Variants in ACTR2 observed in about 807,000 individuals in gnomAD.
ACTR2 encodes the protein actin related protein 2, also known as actin-related protein 2.
ACTR2 carries 5 observed loss-of-function variants against 50.2 expected under a neutral mutation model. That is an observed-to-expected ratio of 0.10 (90% confidence interval 0.05 to 0.21). The LOEUF is 0.21. Ranked by LOEUF, ACTR2 falls within the 10% of genes least tolerant of loss-of-function variation. The probability of loss-of-function intolerance (pLI) is 1.00; values close to 1 mark genes in which losing one functional copy is unlikely to be tolerated. For missense variants in ACTR2, 180 were observed against 480.6 expected (o/e 0.37, Z 5.85); for synonymous variants, 140 against 162.9 (o/e 0.86, Z 1.07).
rs1256904965 is a variant in ACTR2 at position 65,269,647 on chromosome 2, T to C, written c.*913T>C. Reference sequence around the variant, plus strand: ...TCTGGTGTTTTGTTAATGCTTCTGTTTATTCCAGAAGCATTAAGGTAACCC... The same window carrying C: ...TCTGGTGTTTTGTTAATGCTTCTGTCTATTCCAGAAGCATTAAGGTAACCC... On this transcript the variant is annotated 3_prime_UTR_variant, in exon 9 of 9. Coordinates refer to ENST00000260641, the MANE Select transcript of ACTR2 (RefSeq NM_005722.4). 6.6e-6 allele frequency: 1 copy of C among 152,192 alleles called. No homozygotes were observed. The highest frequency in any genetic ancestry group is 6.5e-5 in the Admixed American group (1 of 15,278). The allele number at this position is 152,192 out of a possible 1,614,324, so 9.4% of individuals were successfully genotyped here. A position where few individuals can be genotyped will look rare whatever the true frequency, so the allele number is the denominator to read the frequency against.
chr2:65,231,468 A>T (rs955054149), intron 1 of ACTR2, among the ~76,000 whole-genome samples: 1 of 152,174 alleles, frequency 6.6e-6, no homozygotes, highest in Non-Finnish European at 1.5e-5. Flanking sequence ...ATTCAGATGT[A>T]ATTTTGCAAA....
chr2:65,246,351 G>A (rs1175745136), intron 2 of ACTR2, 173 bp from the exon 3 acceptor site: 1 of 529,150 alleles, frequency 1.9e-6, no homozygotes, highest in Non-Finnish European at 3.3e-6. Flanking sequence ...ATGTAAAAAT[G>A]TATTATCCAT....
intron 1 of ACTR2, among the ~76,000 whole-genome samples, chr2:65,236,836 A>G (rs1671749820): frequency 6.6e-6 from 1 of 152,116 alleles, no homozygotes; most frequent in African/African-American, 2.4e-5. Context: ...AGTGGTGTGC[A>G]TAGTAGCCTT....
chr2:65,234,237 A>T (rs1000744440), intron 1 of ACTR2, among the ~76,000 whole-genome samples: 6 of 152,238 alleles, frequency 3.9e-5, no homozygotes, highest in Non-Finnish European at 5.9e-5. Context: ...TGTTATTATA[A>T]CTGTTAATGT....
intron 1 of ACTR2, among the ~76,000 whole-genome samples, chr2:65,231,706 A>C (rs533027701): frequency 1.3e-5 from 2 of 152,248 alleles, no homozygotes; most frequent in African/African-American, 4.8e-5. Context: ...GCTTTTTAAA[A>C]AGTTACGATT....
rs771091507 is a variant in ACTR2 at position 65,269,326 on chromosome 2, A to G, written c.*592A>G. ...TTTTGTTGCGGGGGGGAGGGTAACA[A>G]TGGGTGGTCTTCTGATTTTTATTTT... On this transcript the variant is annotated 3_prime_UTR_variant, in exon 9 of 9. Transcript: ENST00000260641. 2.0e-5 allele frequency: 3 copies of G among 152,038 alleles called. No homozygotes were observed. The highest frequency in any genetic ancestry group is 6.6e-5 in the Admixed American group (1 of 15,238). The allele number at this position is 152,038 out of a possible 1,614,324, so 9.4% of individuals were successfully genotyped here. A position where few individuals can be genotyped will look rare whatever the true frequency, so the allele number is the denominator to read the frequency against.
At chr2:65,258,373 C>A (rs552033590) in intron 6 of ACTR2, among the ~76,000 whole-genome samples, 32 of 152,018 alleles carry the variant, frequency 2.1e-4, no homozygotes, top group Admixed American at 6.6e-4. Flanking sequence ...GCCAGGAGTT[C>A]ATGGCCAGCC....
At chr2:65,255,762 TAAG>T (rs2104010067) in intron 6 of ACTR2, 68 bp downstream of exon 6, 2 of 1,411,086 alleles carry the variant, frequency 1.4e-6, no homozygotes, top group Non-Finnish European at 1.9e-6. Flanking sequence ...GGTGTCAGCT[TAAG>T]GAGGTTTTCT....
chr2:65,256,072 AAG>A (rs1246965729), intron 6 of ACTR2, among the ~76,000 whole-genome samples: 1 of 152,208 alleles, frequency 6.6e-6, no homozygotes, highest in Non-Finnish European at 1.5e-5. Flanking sequence ...GAGTTTGAGA[AAG>A]AGTTGATTTC....
chr2:65,261,191 A>G, intron 6 of ACTR2, 56 bp from the exon 7 acceptor site: 1 of 1,590,750 alleles, frequency 6.3e-7, no homozygotes, highest in Non-Finnish European at 8.6e-7. Context: ...GTTCCGGAGA[A>G]CACTGGGAAA....
chr2:65,263,814 TGAATCACGAGGCCGGC>T (rs964353104), intron 7 of ACTR2, among the ~76,000 whole-genome samples: 3 of 72,142 alleles, frequency 4.2e-5, no homozygotes, highest in Admixed American at 1.8e-4. Flanking sequence ...CTGAGGCCGG[TGAATCACGAGGCCGGC>T]GAATCACGAG....
At chr2:65,228,681 GTTAA>G (rs896754163) in intron 1 of ACTR2, among the ~76,000 whole-genome samples, 7 of 152,098 alleles carry the variant, frequency 4.6e-5, no homozygotes, top group Admixed American at 1.3e-4. Flanking sequence ...CTTAGGGGAA[GTTAA>G]TTAGTGTTGA....
At chr2:65,230,327 A>G (rs1006746532) in intron 1 of ACTR2, among the ~76,000 whole-genome samples, 1 of 152,054 alleles carries the variant, frequency 6.6e-6, no homozygotes, top group East Asian at 1.9e-4. Flanking sequence ...TAGGGGTTCA[A>G]GGTAATGAGC....
intron 1 of ACTR2, among the ~76,000 whole-genome samples, chr2:65,234,660 C>T (rs888724911): frequency 6.6e-6 from 1 of 152,164 alleles, no homozygotes; most frequent in African/African-American, 2.4e-5. Context: ...AGAGGGGAGA[C>T]GTGTCAACCT....
chr2:65,252,222 TTCC>T (rs980225625), intron 4 of ACTR2, among the ~76,000 whole-genome samples: 117 of 152,262 alleles, frequency 7.7e-4, no homozygotes, highest in African/African-American at 2.7e-3. Context: ...ATGGTGTGAA[TTCC>T]TCCTTTTTTT....
At chr2:65,247,996 T>C (rs1671971523) in intron 3 of ACTR2, among the ~76,000 whole-genome samples, 1 of 152,056 alleles carries the variant, frequency 6.6e-6, no homozygotes, top group Admixed American at 6.6e-5. Context: ...GGTCTTAAGT[T>C]AGGAACAAGC....
intron 8 of ACTR2, among the ~76,000 whole-genome samples, chr2:65,267,439 C>T (rs905612912): frequency 1.3e-5 from 2 of 152,028 alleles, no homozygotes; most frequent in South Asian, 2.1e-4. Flanking sequence ...TTGTTAGAAC[C>T]CTTACAGTTC....
chr2:65,265,207 T>G (rs1672348998), intron 8 of ACTR2, 32 bp downstream of exon 8: 1 of 1,611,698 alleles, frequency 6.2e-7, no homozygotes, highest in Admixed American at 1.7e-5. Flanking sequence ...ATTACTAACA[T>G]TCTTTTAAAA....
intron 7 of ACTR2, among the ~76,000 whole-genome samples, chr2:65,263,468 G>A (rs1316172921): frequency 6.6e-6 from 1 of 152,046 alleles, no homozygotes; most frequent in Non-Finnish European, 1.5e-5. Flanking sequence ...CTACACTCAG[G>A]TTATAGAGGA....
Sources: gnomAD v4.1 joint callset for allele counts (sites outside exome capture counted in the v4.1 genomes callset) on GRCh38, gnomAD v4.1.1 for gene constraint, MANE v1.5 for transcripts, NCBI Gene and HGNC (gene_info 2026-07-23, HGNC 2026-07-21) for gene names.